MTFR1: variants seen among roughly 807,000 people sequenced by gnomAD.
MTFR1 encodes the protein chondrocyte protein with a poly-proline region.
A neutral mutation model predicts 38.8 loss-of-function variants in MTFR1; 28 were observed. That is an observed-to-expected ratio of 0.72 (90% CI 0.53 to 0.99). MTFR1 has a LOEUF of 0.99. Among genes scored for constraint, MTFR1 ranks in the 50% least tolerant of loss-of-function variants. The pLI, the probability that MTFR1 is intolerant of heterozygous loss-of-function variation, is 0.00. For missense variants in MTFR1, 358 were observed against 395.5 expected, an observed-to-expected ratio of 0.91 and a Z score of 0.81; for synonymous variants, 145 against 137.0, an observed-to-expected ratio of 1.06 and a Z score of -0.41.
At chr8:65,659,797 CTT>C (rs1315970091) in intron 1 of MTFR1, among the ~76,000 whole-genome samples, 1 of 152,110 alleles carries the variant, frequency 6.6e-6, no homozygotes, top group Non-Finnish European at 1.5e-5. Context: ...CTTACAGTGT[CTT>C]TTATTTTTTT....
intron 4 of MTFR1, among the ~76,000 whole-genome samples, chr8:65,696,685 G>A (rs138602195): frequency 6.6e-6 from 1 of 151,868 alleles, no homozygotes; most frequent in Non-Finnish European, 1.5e-5. Context: ...TTTTGAGACA[G>A]AGTCTCACTC....
chr8:65,737,568 G>A (rs1807199828), intron 3 of MTFR1, among the ~76,000 whole-genome samples: 1 of 152,058 alleles, frequency 6.6e-6, no homozygotes, highest in African/African-American at 2.4e-5. Flanking sequence ...ACAGTGGCGC[G>A]ATCTCGGCTC....
chr8:65,659,690 G>A (rs917007518), intron 1 of MTFR1, among the ~76,000 whole-genome samples: 2 of 152,074 alleles, frequency 1.3e-5, no homozygotes, highest in Non-Finnish European at 2.9e-5. Flanking sequence ...CAGTAACTAG[G>A]GGCAAGGAGA....
chr8:65,736,043 T>G (rs1161506696), intron 3 of MTFR1, among the ~76,000 whole-genome samples: 1 of 152,216 alleles, frequency 6.6e-6, no homozygotes, highest in Non-Finnish European at 1.5e-5. Context: ...CTATTTATAC[T>G]ATGTTTTTCC....
intron 3 of MTFR1, among the ~76,000 whole-genome samples, chr8:65,686,566 C>T (rs1360271908): frequency 1.6e-5 from 2 of 128,472 alleles, no homozygotes; most frequent in Admixed American, 1.9e-4. Context: ...GGCGAAAGAG[C>T]GAGACTCCGT....
At chr8:65,708,105 G>T in intron 7 of MTFR1, 94 bp downstream of exon 7, 5 of 1,602,438 alleles carry the variant, frequency 3.1e-6, no homozygotes, top group Non-Finnish European at 4.2e-6. Flanking sequence ...TGTGTCATCT[G>T]TAAGTTCCAA....
intron 1 of MTFR1, among the ~76,000 whole-genome samples, chr8:65,660,858 G>A (rs1809394152): frequency 6.6e-6 from 1 of 152,132 alleles, no homozygotes; most frequent in African/African-American, 2.4e-5. Context: ...ATAAACTGTG[G>A]TATCTCCGTA....
intron 4 of MTFR1, among the ~76,000 whole-genome samples, chr8:65,697,338 G>A (rs996590275): frequency 5.3e-5 from 8 of 152,140 alleles, no homozygotes; most frequent in African/African-American, 1.7e-4. Flanking sequence ...GAATGGCCAC[G>A]GGCGTGCACC....
upstream of MTFR1, among the ~76,000 whole-genome samples, chr8:65,644,283 T>G (rs1808888144): frequency 6.6e-6 from 1 of 152,110 alleles, no homozygotes; most frequent in South Asian, 2.1e-4. Flanking sequence ...CTGCTCTGCC[T>G]AAAGAGAAAC....
intron 7 of MTFR1, among the ~76,000 whole-genome samples, chr8:65,708,758 A>T (rs1805857573): frequency 6.6e-6 from 1 of 152,228 alleles, no homozygotes; most frequent in South Asian, 2.1e-4. Context: ...GTTTTCATTT[A>T]GAGGAAGCAG....
At chr8:65,646,709 A>T (rs985739732) in intron 1 of MTFR1, among the ~76,000 whole-genome samples, 2 of 152,196 alleles carry the variant, frequency 1.3e-5, no homozygotes, top group Non-Finnish European at 2.9e-5. Flanking sequence ...AGTAAAATAA[A>T]CATTTTATTC....
chr8:65,768,510 G>A lies in MTFR1; in HGVS notation c.*49-2437G>A, dbSNP rs185870760. On this transcript the variant is annotated intron_variant, in intron 3 of 3. Transcript: ENST00000521247. Reference sequence around the variant, plus strand: ...TGAGATGTGCCTTTCACCTTCGGCCGTAATTGTGAGGCCTCCCCAGCCAGG... The same window carrying A: ...TGAGATGTGCCTTTCACCTTCGGCCATAATTGTGAGGCCTCCCCAGCCAGG... 1.6e-4 allele frequency among the ~76,000 whole-genome samples: 24 copies of A among 152,276 alleles called. 1 individual carries two copies. Among genetic ancestry groups the A allele is most frequent in the Admixed American group, 9.2e-4 (14 of 15,288 alleles).
intron 3 of MTFR1, among the ~76,000 whole-genome samples, chr8:65,686,033 C>T (rs929192286): frequency 6.6e-6 from 1 of 152,086 alleles, no homozygotes; most frequent in African/African-American, 2.4e-5. Context: ...AAGTGGGAGA[C>T]GTAGTAGTAT....
chr8:65,777,875 G>T, the MTFR1 span, among the ~76,000 whole-genome samples: 6 of 152,228 alleles, frequency 3.9e-5, no homozygotes, highest in East Asian at 1.2e-3. Flanking sequence ...ACTTAGGTGT[G>T]ATTTTCTTTT....
intron 3 of MTFR1, among the ~76,000 whole-genome samples, chr8:65,767,170 T>G (rs1044483410): frequency 5.3e-5 from 8 of 152,230 alleles, no homozygotes; most frequent in African/African-American, 1.7e-4. Flanking sequence ...CAGGATTGCA[T>G]GCACAGCTTT....
intron 3 of MTFR1, chr8:65,745,490 T>C (rs998702065): frequency 2.9e-6 from 4 of 1,364,732 alleles, no homozygotes; most frequent in Non-Finnish European, 4.2e-6. Flanking sequence ...AAACCAAACA[T>C]TTCTACTGTA....
intron 1 of MTFR1, among the ~76,000 whole-genome samples, chr8:65,664,035 C>G (rs1355035376): frequency 6.6e-6 from 1 of 151,892 alleles, no homozygotes; most frequent in Non-Finnish European, 1.5e-5. Flanking sequence ...AGGCTGGTCT[C>G]GAACTCCTGA....
At chr8:65,716,978 G>A (rs181176965) in intron 2 of MTFR1, among the ~76,000 whole-genome samples, 9 of 152,254 alleles carry the variant, frequency 5.9e-5, no homozygotes, top group African/African-American at 1.9e-4. Flanking sequence ...AAATTGAGAT[G>A]TGCTGTAAGT....
chr8:65,671,540 T>TAAA (rs34214439), intron 2 of MTFR1, among the ~76,000 whole-genome samples: 1 of 124,612 alleles, frequency 8.0e-6, no homozygotes, highest in South Asian at 2.6e-4. Context: ...ACCCTATCTT[T>TAAA]AAAAAAAAAA....
Sources: allele counts gnomAD v4.1 joint callset (sites outside exome capture counted in the v4.1 genomes callset), GRCh38; gene constraint gnomAD v4.1.1; transcripts MANE v1.5; gene names NCBI Gene and HGNC (gene_info 2026-07-23, HGNC 2026-07-21).